SDC2: variants seen among roughly 807,000 people sequenced by gnomAD.
The protein encoded by SDC2 is syndecan-2.
In SDC2, 13 loss-of-function variants were observed where a neutral mutation model predicts 22.2. The ratio of observed to expected loss-of-function variants is 0.59; its 90% confidence interval spans 0.38 to 0.93. The LOEUF (loss-of-function observed/expected upper bound fraction) is 0.93, where lower values mean the gene tolerates loss of function less well. SDC2 is among the 40% of genes least tolerant of loss of function. SDC2 has a pLI of 0.00. For synonymous variants in SDC2, 94 were observed against 92.8 expected, an observed-to-expected ratio of 1.01 and a Z score of -0.07; for missense variants, 235 against 246.8, an observed-to-expected ratio of 0.95 and a Z score of 0.32.
intron 1 of SDC2, among the ~76,000 whole-genome samples, chr8:96,560,155 A>G (rs1209927231): frequency 6.6e-6 from 1 of 151,928 alleles, no homozygotes; most frequent in Non-Finnish European, 1.5e-5. Flanking sequence ...GTCATTCTCA[A>G]CCCTTTCCAG....
At chr8:96,534,037 C>A (rs1199403737) in intron 1 of SDC2, among the ~76,000 whole-genome samples, 1 of 152,210 alleles carries the variant, frequency 6.6e-6, no homozygotes, top group Non-Finnish European at 1.5e-5. Flanking sequence ...GCACCCTCCG[C>A]TGCTGCTGGC....
chr8:96,508,963 T>C (rs1813290934), intron 1 of SDC2, among the ~76,000 whole-genome samples: 1 of 142,344 alleles, frequency 7.0e-6, no homozygotes, highest in African/African-American at 2.5e-5. Flanking sequence ...TGTCAGAATC[T>C]TCCTTTTCAT....
At chr8:96,499,994 C>T (rs989860822) in intron 1 of SDC2, among the ~76,000 whole-genome samples, 11 of 152,174 alleles carry the variant, frequency 7.2e-5, no homozygotes, top group Non-Finnish European at 1.0e-4. Context: ...GGTTGGTTGG[C>T]ACTCCTGAAG....
chr8:96,552,165 TTTGAG>T (rs1304216807), intron 1 of SDC2, among the ~76,000 whole-genome samples: 68 of 152,350 alleles, frequency 4.5e-4, no homozygotes, highest in African/African-American at 1.6e-3. Context: ...TCAAATCTTG[TTTGAG>T]TTAATATCTC....
intron 1 of SDC2, among the ~76,000 whole-genome samples, chr8:96,527,135 C>T (rs185916744): frequency 6.6e-5 from 10 of 152,320 alleles, no homozygotes; most frequent in African/African-American, 2.4e-4. Context: ...GTAAATACTG[C>T]ACTCCACAGG....
chr8:96,498,468 A>G (rs982459141), intron 1 of SDC2, among the ~76,000 whole-genome samples: 4 of 144,252 alleles, frequency 2.8e-5, no homozygotes, highest in Admixed American at 2.7e-4. Context: ...TGCAGCGCTA[A>G]TCTTTTTTTT....
intron 1 of SDC2, among the ~76,000 whole-genome samples, chr8:96,549,911 A>G (rs1813999959): frequency 6.6e-6 from 1 of 152,272 alleles, no homozygotes; most frequent in Non-Finnish European, 1.5e-5. Flanking sequence ...TCTACTTTCT[A>G]ATTCATCCAT....
chr8:96,517,785 GT>G (rs1813429194), intron 1 of SDC2, among the ~76,000 whole-genome samples: 2 of 141,992 alleles, frequency 1.4e-5, no homozygotes, highest in African/African-American at 5.0e-5. Context: ...GTGTGTGTGT[GT>G]GTGTGTGTGT....
intron 1 of SDC2, among the ~76,000 whole-genome samples, chr8:96,521,039 C>T (rs1813489802): frequency 6.6e-6 from 1 of 152,156 alleles, no homozygotes; most frequent in Admixed American, 6.5e-5. Context: ...GAAGCAGAGG[C>T]TCAGAGAAGT....
intron 1 of SDC2, among the ~76,000 whole-genome samples, chr8:96,521,063 C>G (rs1813490164): frequency 6.6e-6 from 1 of 152,106 alleles, no homozygotes; most frequent in African/African-American, 2.4e-5. Context: ...GTGACTTGCC[C>G]AAGGAGAATC....
At chr8:96,583,317 A>G (rs1193805468) in intron 1 of SDC2, among the ~76,000 whole-genome samples, 1 of 147,156 alleles carries the variant, frequency 6.8e-6, no homozygotes, top group Non-Finnish European at 1.5e-5. Flanking sequence ...TGATATATGT[A>G]ATATATATAT....
intron 1 of SDC2, among the ~76,000 whole-genome samples, chr8:96,501,763 A>T (rs1484954948): frequency 6.6e-6 from 1 of 152,182 alleles, no homozygotes; most frequent in East Asian, 1.9e-4. Context: ...CTCTAAAATG[A>T]TGGAGTTGAA....
At chr8:96,580,750 A>G (rs546451570) in intron 1 of SDC2, among the ~76,000 whole-genome samples, 36 of 152,328 alleles carry the variant, frequency 2.4e-4, no homozygotes, top group African/African-American at 8.4e-4. Flanking sequence ...AGGTGCTTTC[A>G]TTCTAAAAGA....
chr8:96,523,089 T>C (rs1813522051), intron 1 of SDC2, among the ~76,000 whole-genome samples: 1 of 152,226 alleles, frequency 6.6e-6, no homozygotes, highest in South Asian at 2.1e-4. Flanking sequence ...ATTCAGTTAG[T>C]TGCTCCATAG....
chr8:96,513,914 A>G (rs1171325222), intron 1 of SDC2, among the ~76,000 whole-genome samples: 2 of 152,232 alleles, frequency 1.3e-5, no homozygotes, highest in East Asian at 3.8e-4. Flanking sequence ...CAAGCCATCA[A>G]CTGGCTGGGG....
At chr8:96,598,792 A>G (rs573061424) in intron 2 of SDC2, among the ~76,000 whole-genome samples, 3 of 152,126 alleles carry the variant, frequency 2.0e-5, no homozygotes, top group Non-Finnish European at 2.9e-5. Flanking sequence ...GGAGTAGTCT[A>G]TTTCAGACAG....
chr8:96,569,479 C>T (rs756783086), intron 1 of SDC2, among the ~76,000 whole-genome samples: 1 of 152,180 alleles, frequency 6.6e-6, no homozygotes, highest in African/African-American at 2.4e-5. Flanking sequence ...TTATCTCTCT[C>T]CTACCTGACT....
rs973996730 is a variant in SDC2, at chr8:96,611,759, A to G, written c.*2211A>G. 6.6e-6 allele frequency: 1 copy of G among 152,642 alleles called. No homozygotes were observed. The highest frequency in any genetic ancestry group is 1.5e-5 in the Non-Finnish European group (1 of 68,034). The allele number at this position is 152,642 out of a possible 1,614,324, so 9.5% of individuals were successfully genotyped here. On this transcript the variant is annotated 3_prime_UTR_variant, in exon 5 of 5. Transcript: ENST00000302190. ...TGAAAGTGCCAAAATAAAGTCTGTC[A>G]TGCCAAAAGTAAATCATTGTATAGA...
At chr8:96,505,685 C>T (rs991137515) in intron 1 of SDC2, among the ~76,000 whole-genome samples, 11 of 152,136 alleles carry the variant, frequency 7.2e-5, no homozygotes, top group African/African-American at 1.7e-4. Context: ...CTTCTGAACT[C>T]GCTTAAATAA....
Sources: allele counts gnomAD v4.1 joint callset (sites outside exome capture counted in the v4.1 genomes callset), GRCh38; gene constraint gnomAD v4.1.1; transcripts MANE v1.5; gene names NCBI Gene and HGNC (gene_info 2026-07-23, HGNC 2026-07-21).